COL5A1: variants seen among roughly 807,000 people sequenced by gnomAD.
COL5A1 encodes collagen type V alpha 1 chain.
A neutral mutation model predicts 263.7 loss-of-function variants in COL5A1; 16 were observed. That is an observed-to-expected ratio of 0.06 (90% CI 0.04 to 0.09). The LOEUF (loss-of-function observed/expected upper bound fraction) is 0.09. Among genes scored for constraint, COL5A1 ranks in the 10% least tolerant of loss-of-function variants. The pLI is 1.00. For missense variants in COL5A1, 2,036 were observed against 2,540.5 expected (o/e 0.80, Z 4.27); for synonymous variants, 1,012 against 1,004.5 (o/e 1.01, Z -0.14).
At chr9:134,753,775 C>CT in intron 14 of COL5A1, 75 bp from the exon 15 acceptor site, 1 of 862,644 alleles carries the variant, frequency 1.2e-6, no homozygotes, top group Admixed American at 1.8e-5. Context: ...TGCCCCTCCC[C>CT]TGCCACCCCC....
At position 134,656,028 on chromosome 9, in the gene COL5A1, C is replaced by G. The variant is rs531914782; in HGVS notation, c.109+13732C>G. Among the ~76,000 whole-genome samples, 5 of 152,166 alleles carry G rather than the reference C, an allele frequency of 3.3e-5. No homozygotes were observed. In the East Asian group the frequency reaches 9.7e-4, roughly 29 times the overall value. ...GGAAGCAAAGGAGGGTGGGCAGGTC[C>G]AGCTTCCTGCAGGGTGGGGCTTTGC... On this transcript the variant is annotated intron_variant, in intron 1 of 65. Transcript: ENST00000371817.
intron 11 of COL5A1, among the ~76,000 whole-genome samples, chr9:134,740,682 G>A (rs78105715): frequency 0.049 from 7,525 of 152,264 alleles, 225 homozygotes; most frequent in Middle Eastern, 0.071. Flanking sequence ...TGAACCAGAG[G>A]GGTGCTGGTT....
At chr9:134,649,567 T>C (rs12554943) in intron 1 of COL5A1, 62,891 of 450,048 alleles carry the variant, frequency 0.14, 4,900 homozygotes, top group South Asian at 0.18. Flanking sequence ...ATAGGGTTTC[T>C]GGTGGCCTCT....
At chr9:134,676,062 T>C (rs1425374879) in intron 1 of COL5A1, among the ~76,000 whole-genome samples, 1 of 152,118 alleles carries the variant, frequency 6.6e-6, no homozygotes, top group Non-Finnish European at 1.5e-5. Flanking sequence ...TTTTTTTTTG[T>C]TAACAAAATT....
chr9:134,771,369 G>T (rs1836860119), intron 25 of COL5A1, among the ~76,000 whole-genome samples: 1 of 152,242 alleles, frequency 6.6e-6, no homozygotes. Flanking sequence ...TGAGGTGCTG[G>T]CGCCATGAGC....
chr9:134,830,867 G>A (rs533361583), intron 64 of COL5A1, among the ~76,000 whole-genome samples: 32 of 152,292 alleles, frequency 2.1e-4, no homozygotes, highest in African/African-American at 4.3e-4. Context: ...CGCGTGGAGT[G>A]CCCCTAGGAA....
intron 63 of COL5A1, among the ~76,000 whole-genome samples, chr9:134,826,654 C>CTGGTGTGTGGG (rs778708306): frequency 6.8e-6 from 1 of 146,782 alleles, no homozygotes; most frequent in African/African-American, 2.6e-5. Context: ...GTGCATGTGG[C>CTGGTGTGTGGG]TGGTGGATGG....
In COL5A1 at chr9:134,792,853, ACACG is replaced by A. The variant is rs1837757851; in HGVS notation, c.2701-2228_2701-2225del. On this transcript the variant is annotated intron_variant, in intron 32 of 65. Coordinates refer to ENST00000371817, the MANE Select transcript of COL5A1 (RefSeq NM_000093.5). The stretch of plus-strand genomic sequence containing the variant: ...TATGCATGTGTATGTGTGTGTGCGC[ACACG>A]TGTGTGTGCGCGCGTTTGTGCACAC... Among the ~76,000 whole-genome samples, 5 of 43,446 alleles carry A rather than the reference ACACG, an allele frequency of 1.2e-4. No homozygotes were observed. The South Asian group carries it at 2.6e-3, about 22-fold the overall frequency. 28.5% of individuals were successfully genotyped at this position (43,446 alleles called of 152,430 possible).
At chr9:134,701,962 G>A (rs565676211) in intron 4 of COL5A1, among the ~76,000 whole-genome samples, 3 of 152,344 alleles carry the variant, frequency 2.0e-5, no homozygotes, top group African/African-American at 4.8e-5. Flanking sequence ...AGAATGCCCC[G>A]TCCCACTGCC....
chr9:134,785,215 G>C lies in COL5A1; in HGVS notation c.2592+119G>C, dbSNP rs1309330900. 12 of 719,864 alleles carry C rather than the reference G, an allele frequency of 1.7e-5. No homozygotes were observed. The Admixed American group carries it at 2.6e-4, about 15-fold the overall frequency. The allele number at this position is 719,864 out of a possible 1,614,324, so 44.6% of individuals were successfully genotyped here. On this transcript the variant is annotated intron_variant, in intron 30 of 65. Transcript: ENST00000371817. ...GGCATGGGGTGGGGGTGATTCCTGA[G>C]CGGGCTCCTGTCTCCACCCTGGGTT...
At chr9:134,807,589 A>G (rs1203665011) in intron 42 of COL5A1, among the ~76,000 whole-genome samples, 1 of 152,190 alleles carries the variant, frequency 6.6e-6, no homozygotes, top group Non-Finnish European at 1.5e-5. Context: ...CACTGCGCCC[A>G]GCCAGAAACT....
At chr9:134,701,123 C>A (rs1278328872) in intron 3 of COL5A1, 48 bp from the exon 4 acceptor site, 2 of 1,604,060 alleles carry the variant, frequency 1.2e-6, no homozygotes, top group African/African-American at 1.3e-5. Context: ...ATTGCTTGAG[C>A]TGGCATCTGT....
intron 2 of COL5A1, among the ~76,000 whole-genome samples, chr9:134,695,700 G>T (rs572937126): frequency 1.3e-5 from 2 of 152,202 alleles, no homozygotes; most frequent in Non-Finnish European, 2.9e-5. Context: ...TACCTGGTGA[G>T]ACTGGAGACC....
At chr9:134,830,478 G>A (rs1334704846) in intron 64 of COL5A1, 1 of 504,274 alleles carries the variant, frequency 2.0e-6, no homozygotes, top group Non-Finnish European at 3.6e-6. Flanking sequence ...TGCAGCCCCA[G>A]GCACCTGAGC....
chr9:134,779,305 A>C (rs1837170559), intron 27 of COL5A1, among the ~76,000 whole-genome samples: 1 of 152,136 alleles, frequency 6.6e-6, no homozygotes, highest in Non-Finnish European at 1.5e-5. Context: ...CACCCCACAG[A>C]TTTACCTCCA....
intron 26 of COL5A1, 85 bp downstream of exon 26, chr9:134,772,919 A>G: frequency 7.1e-7 from 1 of 1,398,798 alleles, no homozygotes; most frequent in Non-Finnish European, 1.0e-6. Context: ...GCTCAGGGAC[A>G]TCCAGCTTGG....
Position 134,707,390 on chromosome 9 carries a change from G to A in COL5A1, c.654+6057G>A, listed in dbSNP as rs115279420. Among the ~76,000 whole-genome samples the A allele has an allele frequency of 8.2e-3, 1,252 of 152,214 alleles. 16 individuals are homozygous for A. The highest frequency in any genetic ancestry group is 0.029 in the African/African-American group (1,193 of 41,520). ...TTCATTTCAGCCTTTGAAAAACACC[G>A]AGCGGTTTACCTAATCCCTGATTCC... is the stretch of plus-strand genomic sequence containing the variant. On this transcript the variant is annotated intron_variant, in intron 4 of 65. Transcript: ENST00000371817.
intron 4 of COL5A1, among the ~76,000 whole-genome samples, chr9:134,722,914 G>A (rs1209304794): frequency 4.6e-5 from 7 of 152,106 alleles, no homozygotes; most frequent in Non-Finnish European, 7.4e-5. Context: ...GGTTGGTGTC[G>A]GGGAGGGAAG....
At chr9:134,690,726 C>T (rs1042878660) in intron 1 of COL5A1, among the ~76,000 whole-genome samples, 186 bp from the exon 2 acceptor site, 2 of 152,154 alleles carry the variant, frequency 1.3e-5, no homozygotes, top group Non-Finnish European at 2.9e-5. Flanking sequence ...AGGATGGGAC[C>T]CTCCTCCGCA....
Sources: allele counts gnomAD v4.1 joint callset (sites outside exome capture counted in the v4.1 genomes callset), GRCh38; gene constraint gnomAD v4.1.1; transcripts MANE v1.5; gene names NCBI Gene and HGNC (gene_info 2026-07-23, HGNC 2026-07-21).